The following KIFAP3 variants were observed in gnomAD, a reference collection of about 807,000 sequenced individuals.
The protein encoded by KIFAP3 is kinesin associated protein 3.
KIFAP3 carries 68 observed loss-of-function variants against 106.5 expected under a neutral mutation model. The observed-to-expected ratio is 0.64, with a 90% confidence interval of 0.53 to 0.78. KIFAP3 has a LOEUF of 0.78. Ranked by LOEUF, KIFAP3 falls within the 30% of genes least tolerant of loss-of-function variation. KIFAP3 has a pLI of 0.00. For synonymous variants in KIFAP3, 320 were observed against 311.5 expected, an observed-to-expected ratio of 1.03 and a Z score of -0.29; for missense variants, 780 against 941.8, an observed-to-expected ratio of 0.83 and a Z score of 2.25.
chr1:169,982,068 C>T lies in KIFAP3; in HGVS notation c.1702G>A (p.Val568Met), dbSNP rs912430351. 1 of 1,613,568 alleles carries T rather than the reference C, an allele frequency of 6.2e-7. No homozygotes were observed. Among genetic ancestry groups the T allele is most frequent in the South Asian group, 1.1e-5 (1 of 91,010 alleles). ...GAAEDDLVLEVVIMIGTVSMD... is the reference protein window; with the variant it reads ...GAAEDDLVLEMVIMIGTVSMD... The stretch of plus-strand genomic sequence containing the variant: ...GATACAGTTCCAATCATTATAACCA[C>T]TTCTAAAACAAGATCATCTTCTGCA... Residue 568 changes from valine to methionine, a missense_variant, in exon 15 of 20, where the codon GTG becomes ATG. Val to Met is a conservative substitution (Grantham distance 21). This residue lies in a region of KIFAP3 where 588 missense variants were observed against 678.9 expected (regional missense o/e 0.87). Transcript: ENST00000361580.
At chr1:169,958,502 T>C (rs1304226080) in intron 18 of KIFAP3, among the ~76,000 whole-genome samples, 1 of 152,064 alleles carries the variant, frequency 6.6e-6, no homozygotes, top group Admixed American at 6.6e-5. Flanking sequence ...TAGTGTAGAG[T>C]ATGAGAAAAA....
At chr1:169,935,404 A>G (rs759196184) in intron 19 of KIFAP3, among the ~76,000 whole-genome samples, 1 of 151,992 alleles carries the variant, frequency 6.6e-6, no homozygotes. Flanking sequence ...TTTGCCTTTT[A>G]GTTTCTGACA....
intron 1 of KIFAP3, among the ~76,000 whole-genome samples, chr1:170,062,852 T>C (rs190033135): frequency 7.9e-5 from 12 of 152,224 alleles, no homozygotes; most frequent in African/African-American, 2.6e-4. Context: ...GTGACCCTAC[T>C]GCTTAGAAAT....
intron 19 of KIFAP3, among the ~76,000 whole-genome samples, chr1:169,948,036 T>C (rs1460451823): frequency 6.6e-6 from 1 of 151,642 alleles, no homozygotes; most frequent in Admixed American, 6.6e-5. Context: ...TGTATCAATT[T>C]TCTTTGACAC....
chr1:169,928,364 C>T (rs1338389126), intron 19 of KIFAP3, among the ~76,000 whole-genome samples: 1 of 152,108 alleles, frequency 6.6e-6, no homozygotes, highest in Admixed American at 6.5e-5. Context: ...TCCCAAAGTG[C>T]TGGGATTACA....
At chr1:169,921,863 C>A in intron 19 of KIFAP3, 82 bp from the exon 20 acceptor site, 2 of 987,822 alleles carry the variant, frequency 2.0e-6, no homozygotes, top group South Asian at 2.8e-5. Flanking sequence ...CATTTTTATA[C>A]CACCAAGATT....
upstream of KIFAP3, among the ~76,000 whole-genome samples, chr1:170,078,975 A>C (rs939815430): frequency 2.0e-5 from 3 of 152,224 alleles, no homozygotes; most frequent in African/African-American, 7.2e-5. Flanking sequence ...CAGGAATGCA[A>C]GGTTGGTTTA....
rs1437298775 is a variant in KIFAP3 at position 170,074,598 on chromosome 1, G to C, written c.-131C>G. ...GTCCTGAGGCCTGCAAGGCGGGGCA[G>C]CAGCGGCGCTGTGGTTACCACGGTG... On this transcript the variant is annotated 5_prime_UTR_variant, in exon 1 of 20. Transcript: ENST00000361580. 6.5e-7 allele frequency: 1 copy of C among 1,539,846 alleles called. No homozygotes were observed. The highest frequency in any genetic ancestry group is 1.2e-5 in the South Asian group (1 of 82,148).
upstream of KIFAP3, among the ~76,000 whole-genome samples, chr1:170,078,279 A>T (rs1217594958): frequency 6.6e-6 from 1 of 151,960 alleles, no homozygotes; most frequent in Non-Finnish European, 1.5e-5. Flanking sequence ...ATCTCACTTG[A>T]TTTTAATTGA....
At chr1:170,036,982 A>G (rs1332407342) in intron 5 of KIFAP3, among the ~76,000 whole-genome samples, 2 of 152,230 alleles carry the variant, frequency 1.3e-5, no homozygotes, top group Admixed American at 6.5e-5. Flanking sequence ...CTCAAAATAT[A>G]TAAGACAAAT....
chr1:170,006,753 G>T (rs1020400952), intron 10 of KIFAP3, among the ~76,000 whole-genome samples: 3 of 152,074 alleles, frequency 2.0e-5, no homozygotes, highest in Non-Finnish European at 4.4e-5. Flanking sequence ...GCTTAATTTT[G>T]AACCTGTTAA....
At chr1:169,990,769 T>C (rs1667053354) in intron 11 of KIFAP3, among the ~76,000 whole-genome samples, 1 of 152,118 alleles carries the variant, frequency 6.6e-6, no homozygotes, top group East Asian at 1.9e-4. Flanking sequence ...AGGACAGATA[T>C]TTATTTAGGT....
chr1:170,038,157 T>A, intron 5 of KIFAP3, 133 bp downstream of exon 5: 1 of 696,032 alleles, frequency 1.4e-6, no homozygotes, highest in Middle Eastern at 4.1e-4. Context: ...AATATTTAAA[T>A]GCTACACTCT....
At chr1:169,932,144 T>C (rs1213074282) in intron 19 of KIFAP3, among the ~76,000 whole-genome samples, 1 of 152,160 alleles carries the variant, frequency 6.6e-6, no homozygotes, top group African/African-American at 2.4e-5. Context: ...GTGTGATCTG[T>C]AACCTTCCAA....
intron 10 of KIFAP3, among the ~76,000 whole-genome samples, chr1:170,006,168 GTCACT>G (rs1285256964): frequency 6.6e-6 from 1 of 152,158 alleles, no homozygotes; most frequent in East Asian, 1.9e-4. Flanking sequence ...CTTGCCTAAA[GTCACT>G]CAGGTAATAA....
intron 1 of KIFAP3, among the ~76,000 whole-genome samples, chr1:170,057,950 TAAATTGACTTAGAA>T (rs1027135935): frequency 6.6e-6 from 1 of 152,164 alleles, no homozygotes; most frequent in African/African-American, 2.4e-5. Context: ...AAAAGTGTGC[TAAATTGACTTAGAA>T]AAATCATTTT....
chr1:169,930,099 T>G (rs1663378830), intron 19 of KIFAP3, among the ~76,000 whole-genome samples: 2 of 152,206 alleles, frequency 1.3e-5, no homozygotes, highest in South Asian at 4.1e-4. Flanking sequence ...CAGAGTAATA[T>G]TTTAGTGATT....
chr1:169,978,945 G>A (rs892447673), intron 15 of KIFAP3, among the ~76,000 whole-genome samples: 8 of 151,852 alleles, frequency 5.3e-5, no homozygotes, highest in Admixed American at 4.6e-4. Flanking sequence ...AAACAAATTG[G>A]GCTAAATTTC....
At chr1:170,055,497 T>G in intron 1 of KIFAP3, 61 bp from the exon 2 acceptor site, 1 of 1,385,866 alleles carries the variant, frequency 7.2e-7, no homozygotes, top group Non-Finnish European at 9.8e-7. Context: ...CCATGGTTTT[T>G]ATCTATTTTT....
Sources: allele counts gnomAD v4.1 joint callset (sites outside exome capture counted in the v4.1 genomes callset), GRCh38; gene constraint gnomAD v4.1.1; regional missense constraint gnomAD v4.1.1; transcripts MANE v1.5; gene names NCBI Gene and HGNC (gene_info 2026-07-23, HGNC 2026-07-21).